The following SETBP1 variants were observed in gnomAD, a reference collection of about 807,000 sequenced individuals.
SETBP1 encodes the protein SET binding protein 1.
A neutral mutation model predicts 101.0 loss-of-function variants in SETBP1; 9 were observed. The ratio of observed to expected loss-of-function variants is 0.09; its 90% CI spans 0.05 to 0.16. The LOEUF is 0.16. SETBP1 is among the 10% of genes least tolerant of loss of function. The pLI, the probability that SETBP1 is intolerant of heterozygous loss-of-function variation, is 1.00. For synonymous variants in SETBP1, 818 were observed against 788.5 expected (o/e 1.04, Z -0.63); for missense variants, 1,858 against 2,033.8 (o/e 0.91, Z 1.66).
At chr18:44,775,649 A>G (rs1327738592) in intron 2 of SETBP1, among the ~76,000 whole-genome samples, 5 of 150,320 alleles carry the variant, frequency 3.3e-5, no homozygotes, top group Admixed American at 3.3e-4. Flanking sequence ...GGTGATTAGG[A>G]TGGAGCGTAC....
chr18:44,838,790 C>T (rs1568173414), intron 2 of SETBP1, among the ~76,000 whole-genome samples: 1 of 151,938 alleles, frequency 6.6e-6, no homozygotes, highest in African/African-American at 2.4e-5. Context: ...AATCTCATTG[C>T]TCACTTTTTC....
At chr18:45,017,507 C>T (rs528197379) in intron 4 of SETBP1, among the ~76,000 whole-genome samples, 4 of 152,318 alleles carry the variant, frequency 2.6e-5, no homozygotes, top group South Asian at 4.1e-4. Context: ...GAAACTCCTC[C>T]GAAGGAAGGG....
intron 4 of SETBP1, among the ~76,000 whole-genome samples, chr18:44,993,411 A>G (rs1599422343): frequency 6.6e-6 from 1 of 152,070 alleles, no homozygotes; most frequent in East Asian, 1.9e-4. Context: ...TCCAGAAATA[A>G]TATATAAACA....
At chr18:44,789,777 T>A (rs944617766) in intron 2 of SETBP1, among the ~76,000 whole-genome samples, 5 of 152,210 alleles carry the variant, frequency 3.3e-5, no homozygotes, top group Admixed American at 1.3e-4. Flanking sequence ...CCTGTGTGCA[T>A]AGTAAACTCA....
At chr18:45,046,968 T>C (rs1275025584) in intron 5 of SETBP1, among the ~76,000 whole-genome samples, 1 of 152,222 alleles carries the variant, frequency 6.6e-6, no homozygotes, top group Non-Finnish European at 1.5e-5. Flanking sequence ...GCTGAGATTT[T>C]AGGAAATACA....
intron 2 of SETBP1, among the ~76,000 whole-genome samples, chr18:44,800,527 G>T (rs933373471): frequency 6.6e-6 from 1 of 152,138 alleles, no homozygotes; most frequent in African/African-American, 2.4e-5. Flanking sequence ...AACCTGTGGT[G>T]CTGGGAAGGG....
At chr18:44,727,805 T>A (rs975554598) in intron 2 of SETBP1, among the ~76,000 whole-genome samples, 1 of 152,220 alleles carries the variant, frequency 6.6e-6, no homozygotes, top group Non-Finnish European at 1.5e-5. Flanking sequence ...GCTTCCCTTG[T>A]TGGGTCAAAG....
chr18:44,928,700 A>G lies in SETBP1; in HGVS notation c.541-21181A>G, dbSNP rs150833897. On this transcript the variant is annotated intron_variant, in intron 3 of 5. Transcript: ENST00000649279. ...GGCCAGTGATGATCAGCATGTTTTC[A>G]TGTGTCTGCTGGCTGCATAAATGTC... Among the ~76,000 whole-genome samples the G allele has an allele frequency of 8.0e-3, 1,219 of 152,302 alleles. 5 individuals carry two copies. The highest frequency in any genetic ancestry group is 0.014 in the Non-Finnish European group (981 of 68,014).
At chr18:44,863,104 A>G (rs2069050763) in intron 2 of SETBP1, among the ~76,000 whole-genome samples, 1 of 152,108 alleles carries the variant, frequency 6.6e-6, no homozygotes. Flanking sequence ...TTATTTTCCA[A>G]TTTCCAGATT....
intron 2 of SETBP1, among the ~76,000 whole-genome samples, chr18:44,806,863 C>A (rs1400610737): frequency 6.6e-6 from 1 of 151,574 alleles, no homozygotes; most frequent in Non-Finnish European, 1.5e-5. Context: ...ACATAGTGTC[C>A]TTATGTTTAG....
chr18:44,738,838 G>C (rs1053182638), intron 2 of SETBP1, among the ~76,000 whole-genome samples: 4 of 150,442 alleles, frequency 2.7e-5, no homozygotes, highest in African/African-American at 7.3e-5. Flanking sequence ...TACACACACA[G>C]AGTCTCCTTT....
chr18:45,035,698 AC>A (rs1465697459), intron 4 of SETBP1, among the ~76,000 whole-genome samples: 1 of 152,246 alleles, frequency 6.6e-6, no homozygotes, highest in Non-Finnish European at 1.5e-5. Context: ...ACTTGTGTCC[AC>A]AGGTATAAAG....
At chr18:44,900,862 T>A (rs1287978806) in intron 3 of SETBP1, among the ~76,000 whole-genome samples, 1 of 152,174 alleles carries the variant, frequency 6.6e-6, no homozygotes, top group African/African-American at 2.4e-5. Context: ...GGTTGAGTAA[T>A]TGCCCAAGGG....
rs534282324 is a variant in SETBP1 at position 44,731,652 on chromosome 18, A to ACACACACG, written c.486+29821_486+29822insACACACGC. Among the ~76,000 whole-genome samples the ACACACACG allele has an allele frequency of 6.6e-4, 100 of 151,864 alleles. 1 individual carries two copies. Among genetic ancestry groups the ACACACACG allele is most frequent in the African/African-American group, 2.3e-3 (96 of 41,384 alleles). On this transcript the variant is annotated intron_variant, in intron 2 of 5. Transcript: ENST00000649279. ...TCTTTACACACACACACACACACAC[A>ACACACACG]CGCGCACGCACACACACACACATAT...
chr18:44,717,894 C>G (rs1222828225), intron 2 of SETBP1, among the ~76,000 whole-genome samples: 1 of 151,712 alleles, frequency 6.6e-6, no homozygotes, highest in Non-Finnish European at 1.5e-5. Context: ...TTCTAGATGA[C>G]TTAAAATGCA....
Position 44,952,841 on chromosome 18 carries a change from T to A in SETBP1, c.3501T>A (p.His1167Gln). ...AGGAAGACCGGATCCTAGGGACCCA[T>A]GACAACCTGAGTGGTCTTTTTGCAG... ...KHKEDRILGT[H>Q]DNLSGLFAGK... Residue 1167 changes from histidine (H) to glutamine (Q), a missense_variant, in exon 4 of 6, where the codon CAT becomes CAA. Around this residue, in one of 12 missense-constraint regions of SETBP1, gnomAD observed 417 missense variants for 389.1 expected, o/e 1.07. Transcript: ENST00000649279. 1.2e-6 allele frequency: 2 copies of A among 1,614,100 alleles called. No individual in the cohort carries two copies. Among genetic ancestry groups the A allele is most frequent in the East Asian group, 2.2e-5 (1 of 44,852 alleles).
At position 44,787,860 on chromosome 18, in the gene SETBP1, C is replaced by CAAAAAAAAAAAA. The variant is rs11399627; in HGVS notation, c.487-81361_487-81350dup. ...TGGGCGACAGAGCGAGAGTCCGTCT[C>CAAAAAAAAAAAA]AAAAAAAAAAAAAAAAAAAAGAAAA... On this transcript the variant is annotated intron_variant, in intron 2 of 5. Transcript: ENST00000649279. Among the ~76,000 whole-genome samples the CAAAAAAAAAAAA allele has an allele frequency of 4.3e-4, 4 of 9,218 alleles. 1 individual carries two copies. The highest frequency in any genetic ancestry group is 1.7e-3 in the African/African-American group (4 of 2,344). 6.0% of individuals were successfully genotyped at this position (9,218 alleles called of 152,430 possible). A position where few individuals can be genotyped will look rare whatever the true frequency, so the allele number is the denominator to read the frequency against.
chr18:44,764,008 C>A (rs933607815), intron 2 of SETBP1, among the ~76,000 whole-genome samples: 1 of 152,220 alleles, frequency 6.6e-6, no homozygotes, highest in Non-Finnish European at 1.5e-5. Context: ...CAGCTGGACT[C>A]CAAACTAATA....
intron 2 of SETBP1, among the ~76,000 whole-genome samples, chr18:44,784,934 G>A (rs544756758): frequency 6.6e-6 from 1 of 152,264 alleles, no homozygotes; most frequent in East Asian, 1.9e-4. Context: ...GTGATTGTGA[G>A]ACATTTATGT....
Sources: gnomAD v4.1 joint callset for allele counts (sites outside exome capture counted in the v4.1 genomes callset) on GRCh38, gnomAD v4.1.1 for gene constraint, gnomAD v4.1.1 regional missense constraint, MANE v1.5 for transcripts, NCBI Gene and HGNC (gene_info 2026-07-23, HGNC 2026-07-21) for gene names.